DCLK2: variants seen among roughly 807,000 people sequenced by gnomAD.
DCLK2 encodes doublecortin like kinase 2, also known as serine/threonine-protein kinase DCLK2.
Under a neutral mutation model 78.4 loss-of-function variants are expected in DCLK2, and 31 were observed. The observed-to-expected ratio is 0.40, with a 90% CI of 0.30 to 0.53. The LOEUF is 0.53. DCLK2 is among the 20% of genes least tolerant of loss of function. The pLI is 0.61. For missense variants in DCLK2, 872 were observed against 973.7 expected (o/e 0.90, Z 1.39); for synonymous variants, 407 against 374.9 (o/e 1.09, Z -0.99).
intron 8 of DCLK2, among the ~76,000 whole-genome samples, chr4:150,225,967 G>A (rs1225327638): frequency 6.6e-6 from 1 of 152,084 alleles, no homozygotes; most frequent in African/African-American, 2.4e-5. Context: ...ACAGAGAAGT[G>A]CTAGTATATA....
rs34276664 is a variant in DCLK2, at chr4:150,104,394, T to TAAAAAAAAAAAAAAAAAAAAAAAAAAA, written c.756+1585_756+1611dup. ...TGGTGACAAAAAAGACCACATCTCC[T>TAAAAAAAAAAAAAAAAAAAAAAAAAAA]AAAAAAAAAAAAAAAAAAAAAAAAA... On this transcript the variant is annotated intron_variant, in intron 2 of 15. Transcript: ENST00000296550. 1.3e-4 allele frequency among the ~76,000 whole-genome samples: 4 copies of TAAAAAAAAAAAAAAAAAAAAAAAAAAA among 29,754 alleles called. 1 individual carries two copies. The highest frequency in any genetic ancestry group is 2.2e-4 in the Non-Finnish European group (4 of 18,198). 19.5% of individuals were successfully genotyped at this position (29,754 alleles called of 152,430 possible).
chr4:150,256,292 C>A lies in DCLK2; in HGVS notation c.*45C>A. 1.4e-6 allele frequency: 2 copies of A among 1,459,588 alleles called. No homozygotes were observed. The highest frequency in any genetic ancestry group is 1.8e-6 in the Non-Finnish European group (2 of 1,109,154). 90.4% of individuals were successfully genotyped at this position (1,459,588 alleles called of 1,614,324 possible). A position where few individuals can be genotyped will look rare whatever the true frequency, so the allele number is the denominator to read the frequency against. On this transcript the variant is annotated 3_prime_UTR_variant, in exon 16 of 16. Coordinates refer to ENST00000296550, the MANE Select transcript of DCLK2 (RefSeq NM_001040260.4). ...AGCCGCCTGCTGCAGCCCAGGAAGC[C>A]AGCCCTCTGCTCGGCCTCGCCGGCC...
Position 150,198,911 on chromosome 4 carries a change from C to A in DCLK2, c.961+808C>A, listed in dbSNP as rs7694611. On this transcript the variant is annotated intron_variant, in intron 4 of 15. Coordinates refer to ENST00000296550, the MANE Select transcript of DCLK2 (RefSeq NM_001040260.4). Reference sequence around the variant, plus strand: ...CTATTCGCCCTTTCCCCTTTCAGCACCCCCCCCCCCACTTTCTGTAGGGCA... The same window carrying A: ...CTATTCGCCCTTTCCCCTTTCAGCAACCCCCCCCCCACTTTCTGTAGGGCA... 9.4e-3 allele frequency: 1,354 copies of A among 144,762 alleles called. 49 individuals carry two copies. The highest frequency in any genetic ancestry group is 0.01 in the Non-Finnish European group (943 of 91,354). 9.0% of individuals were successfully genotyped at this position (144,762 alleles called of 1,614,324 possible).
At chr4:150,198,835 A>G (rs1007630675) in intron 4 of DCLK2, among the ~76,000 whole-genome samples, 1 of 151,830 alleles carries the variant, frequency 6.6e-6, no homozygotes, top group African/African-American at 2.4e-5. Flanking sequence ...ATCAATAACA[A>G]TGGCCTCAAG....
chr4:150,166,433 G>A (rs192426923), intron 2 of DCLK2, among the ~76,000 whole-genome samples: 1 of 148,834 alleles, frequency 6.7e-6, no homozygotes, highest in African/African-American at 2.6e-5. Flanking sequence ...GATGAAGGCT[G>A]TGGTGAGCTA....
chr4:150,203,501 T>C (rs766322646), intron 4 of DCLK2, among the ~76,000 whole-genome samples: 9 of 152,076 alleles, frequency 5.9e-5, no homozygotes, highest in Non-Finnish European at 1.0e-4. Flanking sequence ...GCAGGATACA[T>C]GGACAAGTTC....
chr4:150,185,713 C>A (rs80043154), intron 2 of DCLK2, among the ~76,000 whole-genome samples: 7 of 141,284 alleles, frequency 5.0e-5, no homozygotes, highest in Admixed American at 2.1e-4. Flanking sequence ...GATTTCATCT[C>A]AAAAAAAAAA....
At chr4:150,086,489 A>C (rs1246152669) in intron 1 of DCLK2, among the ~76,000 whole-genome samples, 2 of 148,534 alleles carry the variant, frequency 1.3e-5, no homozygotes, top group Admixed American at 6.8e-5. Context: ...GACAGCTATC[A>C]CAACCAGATT....
chr4:150,112,836 A>G (rs1026188135), intron 2 of DCLK2, among the ~76,000 whole-genome samples: 1 of 104,792 alleles, frequency 9.5e-6, no homozygotes, highest in Non-Finnish European at 1.7e-5. Flanking sequence ...CCCCGGACAG[A>G]GTCTTTTTCT....
intron 2 of DCLK2, among the ~76,000 whole-genome samples, chr4:150,161,044 A>T (rs986130854): frequency 3.3e-5 from 5 of 152,262 alleles, no homozygotes; most frequent in African/African-American, 1.2e-4. Flanking sequence ...TGTCAAAAAG[A>T]AATGACAAAA....
chr4:150,162,868 A>G (rs1735797160), intron 2 of DCLK2, among the ~76,000 whole-genome samples: 1 of 152,234 alleles, frequency 6.6e-6, no homozygotes, highest in African/African-American at 2.4e-5. Context: ...ATAGAGGACA[A>G]TAACTCAGAC....
chr4:150,234,355 G>A (rs1742316313), intron 10 of DCLK2, among the ~76,000 whole-genome samples: 1 of 152,154 alleles, frequency 6.6e-6, no homozygotes, highest in South Asian at 2.1e-4. Context: ...TGGAGGCAAG[G>A]TTTGTGTCTA....
At position 150,079,459 on chromosome 4, in the gene DCLK2, A is replaced by G; in HGVS notation, c.421+11A>G. 1.4e-6 allele frequency: 2 copies of G among 1,476,800 alleles called. No homozygotes were observed. Among genetic ancestry groups the G allele is most frequent in the East Asian group, 2.5e-5 (1 of 39,674 alleles). 91.5% of individuals were successfully genotyped at this position (1,476,800 alleles called of 1,614,324 possible). A position where few individuals can be genotyped will look rare whatever the true frequency, so the allele number is the denominator to read the frequency against. ...ACGAGCTGCTGGAAGGTAGGAGGGG[A>G]GGGCGCCGCACGGCAGGTGCGGCGG... is the stretch of plus-strand genomic sequence containing the variant. On this transcript the variant is annotated intron_variant, in intron 1 of 15. Transcript: ENST00000296550.
At chr4:150,244,872 A>G (rs1743187276) in intron 12 of DCLK2, among the ~76,000 whole-genome samples, 1 of 152,244 alleles carries the variant, frequency 6.6e-6, no homozygotes, top group South Asian at 2.1e-4. Context: ...CAGCTGCTAT[A>G]AATGACTGCT....
At chr4:150,196,532 A>G (rs1342365905) in intron 3 of DCLK2, among the ~76,000 whole-genome samples, 2 of 152,234 alleles carry the variant, frequency 1.3e-5, no homozygotes, top group South Asian at 4.1e-4. Flanking sequence ...ATAGACTAAA[A>G]TTAATCCACA....
chr4:150,129,007 TA>T (rs908172822), intron 2 of DCLK2, among the ~76,000 whole-genome samples: 2 of 152,182 alleles, frequency 1.3e-5, no homozygotes, highest in Non-Finnish European at 2.9e-5. Context: ...CACTACCTTT[TA>T]ATATGTGCTA....
intron 2 of DCLK2, among the ~76,000 whole-genome samples, chr4:150,187,882 C>T (rs1489824308): frequency 2.0e-5 from 3 of 151,496 alleles, no homozygotes; most frequent in Non-Finnish European, 2.9e-5. Context: ...TCACTGCAAC[C>T]TCTGCCTCCC....
intron 2 of DCLK2, among the ~76,000 whole-genome samples, chr4:150,118,796 A>G (rs1207911423): frequency 2.0e-5 from 3 of 151,780 alleles, no homozygotes; most frequent in Non-Finnish European, 4.4e-5. Context: ...CTGGTCATGA[A>G]CTCCTGATCA....
Position 150,220,705 on chromosome 4 carries a change from G to C in DCLK2, c.1059G>C (p.Gln353His). 1 of 1,613,094 alleles carries C rather than the reference G, an allele frequency of 6.2e-7. No homozygotes were observed. The highest frequency in any genetic ancestry group is 8.5e-7 in the Non-Finnish European group (1 of 1,179,354). Residue 353 changes from glutamine (Q) to histidine (H), a missense_variant and splice_region_variant, in exon 6 of 16, where the codon CAG becomes CAC. Around this residue, in one of 3 missense-constraint regions of DCLK2, gnomAD observed 567 missense variants for 593.4 expected, o/e 0.96. Transcript: ENST00000296550. Reference protein sequence around the residue: ...TSPGSFRGLKQISAHGRSSSN... With the variant: ...TSPGSFRGLKHISAHGRSSSN... ...TAATGGTCATTCTCCTCTTTCAGCA[G>C]ATTTCTGCTCATGGCAGATCTTCTT...
Sources: allele counts gnomAD v4.1 joint callset (sites outside exome capture counted in the v4.1 genomes callset), GRCh38; gene constraint gnomAD v4.1.1; regional missense constraint gnomAD v4.1.1; transcripts MANE v1.5; gene names NCBI Gene and HGNC (gene_info 2026-07-23, HGNC 2026-07-21).